Variants in TFCP2L1 observed in about 807,000 individuals in gnomAD.
TFCP2L1 encodes the protein transcription factor CP2 like 1.
A neutral mutation model predicts 72.2 loss-of-function variants in TFCP2L1; 12 were observed. The ratio of observed to expected loss-of-function variants is 0.17; its 90% confidence interval spans 0.11 to 0.27. The LOEUF (loss-of-function observed/expected upper bound fraction) is 0.27, where lower values mean the gene tolerates loss of function less well. Among genes scored for constraint, TFCP2L1 ranks in the 10% least tolerant of loss-of-function variants. The pLI, the probability that TFCP2L1 is intolerant of heterozygous loss-of-function variation, is 1.00. For missense variants in TFCP2L1, 488 were observed against 624.6 expected, an observed-to-expected ratio of 0.78 and a Z score of 2.33; for synonymous variants, 260 against 251.0, an observed-to-expected ratio of 1.04 and a Z score of -0.34.
chr2:121,253,263 G>A (rs1298762210), intron 2 of TFCP2L1, among the ~76,000 whole-genome samples: 1 of 152,210 alleles, frequency 6.6e-6, no homozygotes, highest in African/African-American at 2.4e-5. Context: ...GTGACGCGCT[G>A]GACGCCTTTC....
chr2:121,255,112 T>C (rs921159162), intron 2 of TFCP2L1, among the ~76,000 whole-genome samples: 1 of 152,192 alleles, frequency 6.6e-6, no homozygotes, highest in Non-Finnish European at 1.5e-5. Flanking sequence ...ACTTGCCACA[T>C]CCCACCCAGT....
intron 2 of TFCP2L1, among the ~76,000 whole-genome samples, chr2:121,253,635 C>T (rs1035248712): frequency 1.3e-5 from 2 of 152,180 alleles, no homozygotes; most frequent in East Asian, 1.9e-4. Flanking sequence ...CCTCAGCTCA[C>T]GCCAAACAGC....
At chr2:121,231,755 G>T in intron 13 of TFCP2L1, 71 bp downstream of exon 13, 1 of 1,575,896 alleles carries the variant, frequency 6.3e-7, no homozygotes, top group Non-Finnish European at 8.6e-7. Flanking sequence ...TGTGTTTCTG[G>T]GGCAGGGGTT....
intron 2 of TFCP2L1, among the ~76,000 whole-genome samples, chr2:121,260,865 T>C (rs543702481): frequency 1.3e-5 from 2 of 152,212 alleles, no homozygotes; most frequent in African/African-American, 2.4e-5. Flanking sequence ...CAGGAGGCAA[T>C]TGCCCGAGCT....
intron 2 of TFCP2L1, among the ~76,000 whole-genome samples, chr2:121,251,177 A>G: frequency 6.6e-6 from 1 of 151,660 alleles, no homozygotes; most frequent in South Asian, 2.1e-4. Context: ...AATCACTTGA[A>G]CCCGGGAGGC....
intron 2 of TFCP2L1, among the ~76,000 whole-genome samples, chr2:121,250,124 C>T (rs1478248243): frequency 1.3e-5 from 2 of 152,104 alleles, no homozygotes; most frequent in Non-Finnish European, 2.9e-5. Flanking sequence ...AAAGCATGTT[C>T]CCCAGTTAAA....
chr2:121,230,515 T>G (rs529284649), intron 13 of TFCP2L1, among the ~76,000 whole-genome samples: 2 of 151,710 alleles, frequency 1.3e-5, no homozygotes, highest in African/African-American at 4.8e-5. Flanking sequence ...GTGCAGGGGC[T>G]CATGCCTGTA....
chr2:121,233,690 G>C (rs916754916), intron 12 of TFCP2L1, among the ~76,000 whole-genome samples: 1 of 151,952 alleles, frequency 6.6e-6, no homozygotes, highest in African/African-American at 2.4e-5. Flanking sequence ...TGCTCGGTGG[G>C]AGCAGGAAGG....
At position 121,231,975 on chromosome 2, in the gene TFCP2L1, G is replaced by T; in HGVS notation, c.1199-7C>A. 1.3e-6 allele frequency: 2 copies of T among 1,578,758 alleles called. No homozygotes were observed. Among genetic ancestry groups the T allele is most frequent in the Non-Finnish European group, 1.7e-6 (2 of 1,158,010 alleles). ...AGGAAGATGGCGTGGTACACTGGGG[G>T]AAGGAGGAGCAAGTGCTGCTTTCCA... On this transcript the variant is annotated splice_region_variant and splice_polypyrimidine_tract_variant and intron_variant, in intron 12 of 14. Transcript: ENST00000263707.
intron 2 of TFCP2L1, among the ~76,000 whole-genome samples, chr2:121,253,419 T>C (rs1179739544): frequency 6.6e-6 from 1 of 152,232 alleles, no homozygotes; most frequent in African/African-American, 2.4e-5. Flanking sequence ...TCCAGGCTCC[T>C]GAACCAAGAG....
intron 2 of TFCP2L1, among the ~76,000 whole-genome samples, chr2:121,254,728 G>A (rs1686681754): frequency 6.6e-6 from 1 of 152,006 alleles, no homozygotes; most frequent in Admixed American, 6.5e-5. Flanking sequence ...GCTTGTATCT[G>A]CAAGGCAGAG....
Position 121,285,168 on chromosome 2 carries a change from C to G in TFCP2L1, c.-59G>C, listed in dbSNP as rs532683988. ...GCAGCAAGCGCAGACGCGGGGCGCG[C>G]CGAGGACCCAGCGGCGGCTTCGCGC... On this transcript the variant is annotated 5_prime_UTR_variant, in exon 1 of 15. Coordinates refer to ENST00000263707, the MANE Select transcript of TFCP2L1 (RefSeq NM_014553.3). 1.5e-6 allele frequency: 2 copies of G among 1,378,896 alleles called. No homozygotes were observed. The highest frequency in any genetic ancestry group is 1.5e-5 in the African/African-American group (1 of 66,322). 85.4% of individuals were successfully genotyped at this position (1,378,896 alleles called of 1,614,324 possible). A position where few individuals can be genotyped will look rare whatever the true frequency, so the allele number is the denominator to read the frequency against.
chr2:121,278,195 C>A (rs1687185454), intron 2 of TFCP2L1, among the ~76,000 whole-genome samples: 1 of 147,976 alleles, frequency 6.8e-6, no homozygotes, highest in African/African-American at 2.4e-5. Flanking sequence ...CGCCACCGCG[C>A]CCGGCTAATT....
At chr2:121,236,897 T>C (rs1227143435) in intron 10 of TFCP2L1, among the ~76,000 whole-genome samples, 4 of 152,020 alleles carry the variant, frequency 2.6e-5, no homozygotes, top group Non-Finnish European at 5.9e-5. Flanking sequence ...CCGAAATGAG[T>C]GGTTTATGCA....
intron 8 of TFCP2L1, among the ~76,000 whole-genome samples, chr2:121,238,530 G>A (rs1184770417): frequency 6.6e-6 from 1 of 152,142 alleles, no homozygotes; most frequent in Non-Finnish European, 1.5e-5. Flanking sequence ...CTTAAAAATG[G>A]TAAATTTTGT....
rs1225292008 is a variant in TFCP2L1, at chr2:121,285,087, G to A, written c.23C>T (p.Pro8Leu). Residue 8 changes from proline (P) to leucine (L), a missense_variant, in exon 1 of 15, where the codon CCC (proline) becomes CTC (leucine). Coordinates refer to ENST00000263707, the MANE Select transcript of TFCP2L1 (RefSeq NM_014553.3). MLFWHTQ[P>L]EHYNQHNSGS... ...GGAGTTGTGCTGGTTGTAGTGCTCG[G>A]GCTGCGTGTGCCAGAAGAGCATGGC... The A allele has an allele frequency of 6.6e-7, 1 of 1,524,194 alleles. No homozygotes were observed. Among genetic ancestry groups the A allele is most frequent in the South Asian group, 1.2e-5 (1 of 80,774 alleles). The allele number at this position is 1,524,194 out of a possible 1,614,324, so 94.4% of individuals were successfully genotyped here.
chr2:121,253,598 G>A (rs912960467), intron 2 of TFCP2L1, among the ~76,000 whole-genome samples: 4 of 152,202 alleles, frequency 2.6e-5, no homozygotes, highest in Non-Finnish European at 4.4e-5. Context: ...CCCAGTTATA[G>A]CACTGACCCC....
At chr2:121,243,693 G>GA (rs1686425351) in intron 6 of TFCP2L1, among the ~76,000 whole-genome samples, 1 of 151,710 alleles carries the variant, frequency 6.6e-6, no homozygotes, top group South Asian at 2.1e-4. Context: ...CTCCTTATAA[G>GA]AATCTAATGC....
chr2:121,266,402 T>C (rs1348217429), intron 2 of TFCP2L1, among the ~76,000 whole-genome samples: 8 of 152,152 alleles, frequency 5.3e-5, no homozygotes, highest in African/African-American at 1.4e-4. Flanking sequence ...TAATGTACCA[T>C]ATAAATCATA....
Sources: allele counts gnomAD v4.1 joint callset (sites outside exome capture counted in the v4.1 genomes callset), GRCh38; gene constraint gnomAD v4.1.1; transcripts MANE v1.5; gene names NCBI Gene and HGNC (gene_info 2026-07-23, HGNC 2026-07-21).